MTUS2: variants seen among roughly 807,000 people sequenced by gnomAD.
MTUS2 encodes the protein microtubule-associated tumor suppressor candidate 2.
MTUS2 carries 40 observed loss-of-function variants against 114.1 expected under a neutral mutation model. The ratio of observed to expected loss-of-function variants is 0.35; its 90% CI spans 0.27 to 0.46. The LOEUF (loss-of-function observed/expected upper bound fraction) is 0.46, where lower values mean the gene tolerates loss of function less well. Ranked by LOEUF, MTUS2 falls within the 20% of genes least tolerant of loss-of-function variation. The pLI is 1.00. For missense variants in MTUS2, 1,679 were observed against 1,705.4 expected (o/e 0.98, Z 0.27); for synonymous variants, 688 against 672.0 (o/e 1.02, Z -0.37).
intron 2 of MTUS2, among the ~76,000 whole-genome samples, chr13:29,004,658 G>A (rs1373584915): frequency 2.0e-5 from 3 of 152,292 alleles, no homozygotes; most frequent in Admixed American, 6.5e-5. Flanking sequence ...TAGCTTGCCA[G>A]AAAAATAGTT....
intron 2 of MTUS2, among the ~76,000 whole-genome samples, chr13:28,856,167 A>T (rs921376275): frequency 1.2e-4 from 19 of 152,228 alleles, no homozygotes; most frequent in Admixed American, 6.5e-4. Context: ...AAAAAGTACA[A>T]ATAGAATATA....
chr13:29,197,187 T>A (rs1894738550), intron 5 of MTUS2, among the ~76,000 whole-genome samples: 1 of 152,138 alleles, frequency 6.6e-6, no homozygotes, highest in African/African-American at 2.4e-5. Flanking sequence ...CCTCCATTCG[T>A]TAGGTATTTG....
chr13:28,849,276 C>A (rs1180242443), intron 2 of MTUS2, among the ~76,000 whole-genome samples: 2 of 152,094 alleles, frequency 1.3e-5, no homozygotes, highest in Admixed American at 1.3e-4. Context: ...AGAGTTATTT[C>A]AAAGATTCAA....
At position 29,345,776 on chromosome 13, in the gene MTUS2, G is replaced by A. The variant is rs192973677; in HGVS notation, c.2906-13486G>A. Among the ~76,000 whole-genome samples the A allele has an allele frequency of 5.0e-4, 76 of 152,142 alleles. 2 individuals carry two copies. In the East Asian group the frequency reaches 0.013, roughly 26 times the overall value. ...TGTTTTTCTGGTTCTTTCTCATTTG[G>A]GTAGCCTATGTCAGAGGGAAGATTT... On this transcript the variant is annotated intron_variant, in intron 7 of 15. Coordinates refer to ENST00000612955, the MANE Select transcript of MTUS2 (RefSeq NM_001033602.4).
chr13:29,354,695 A>G (rs1869593734), intron 7 of MTUS2, among the ~76,000 whole-genome samples: 1 of 152,162 alleles, frequency 6.6e-6, no homozygotes, highest in Non-Finnish European at 1.5e-5. Context: ...TGTACTTAAG[A>G]CCAGCTGGAA....
At chr13:29,229,306 GTACT>G (rs1896233442) in intron 5 of MTUS2, among the ~76,000 whole-genome samples, 2 of 152,160 alleles carry the variant, frequency 1.3e-5, no homozygotes, top group African/African-American at 4.8e-5. Context: ...TCATTGTAAA[GTACT>G]TTGTCCTCAA....
intron 5 of MTUS2, among the ~76,000 whole-genome samples, chr13:29,112,128 C>T (rs945804391): frequency 6.6e-6 from 1 of 152,126 alleles, no homozygotes; most frequent in African/African-American, 2.4e-5. Flanking sequence ...ATAAGGAGAA[C>T]AGCCATGGAA....
intron 2 of MTUS2, among the ~76,000 whole-genome samples, chr13:28,972,312 G>A (rs1446688619): frequency 2.6e-5 from 4 of 152,094 alleles, no homozygotes; most frequent in African/African-American, 9.7e-5. Context: ...GGTTCTTCCG[G>A]GACACTTGAC....
intron 2 of MTUS2, among the ~76,000 whole-genome samples, chr13:28,955,851 T>C (rs1883035302): frequency 6.6e-6 from 1 of 151,746 alleles, no homozygotes; most frequent in Admixed American, 6.6e-5. Flanking sequence ...CCCTTTCTGC[T>C]TGGACCATCA....
intron 2 of MTUS2, among the ~76,000 whole-genome samples, chr13:28,893,250 A>G (rs544131100): frequency 2.0e-5 from 3 of 152,302 alleles, no homozygotes; most frequent in East Asian, 3.9e-4. Flanking sequence ...TTGAAAAGCT[A>G]TTTATTAAGC....
chr13:28,896,598 A>G lies in MTUS2; in HGVS notation c.-243+56748A>G, dbSNP rs182847006. Among the ~76,000 whole-genome samples, 894 of 152,354 alleles carry G rather than the reference A, an allele frequency of 5.9e-3. 6 individuals carry two copies. The highest frequency in any genetic ancestry group is 9.5e-3 in the Non-Finnish European group (645 of 68,030). On this transcript the variant is annotated intron_variant, in intron 2 of 15. Coordinates refer to ENST00000612955, the MANE Select transcript of MTUS2 (RefSeq NM_001033602.4). ...AAAAAGAGCCCTCATTGCCAAGTCA[A>G]TCCTAAGCCAAAAGAACAAAGCTGG...
chr13:29,198,108 A>G (rs1356535352), intron 5 of MTUS2, among the ~76,000 whole-genome samples: 1 of 152,148 alleles, frequency 6.6e-6, no homozygotes, highest in Non-Finnish European at 1.5e-5. Flanking sequence ...TTTTGTTGCC[A>G]TTGCTTTTGG....
chr13:29,427,203 T>A (rs1289119290), intron 8 of MTUS2, among the ~76,000 whole-genome samples: 1 of 152,236 alleles, frequency 6.6e-6, no homozygotes, highest in Non-Finnish European at 1.5e-5. Flanking sequence ...CACTCCCTCC[T>A]GTTTTCCATT....
chr13:29,379,469 C>T (rs80289433), intron 8 of MTUS2, among the ~76,000 whole-genome samples: 4,386 of 152,244 alleles, frequency 0.029, 199 homozygotes, highest in African/African-American at 0.099. Flanking sequence ...ACCTACAGGA[C>T]GCTGCGAGAA....
At chr13:29,035,557 C>T (rs1490381926) in intron 4 of MTUS2, among the ~76,000 whole-genome samples, 3 of 152,226 alleles carry the variant, frequency 2.0e-5, no homozygotes, top group Non-Finnish European at 4.4e-5. Flanking sequence ...CCTCCATCTT[C>T]AACTTTGGCA....
At chr13:29,285,032 A>C (rs1898419855) in intron 6 of MTUS2, among the ~76,000 whole-genome samples, 1 of 152,078 alleles carries the variant, frequency 6.6e-6, no homozygotes, top group African/African-American at 2.4e-5. Flanking sequence ...TATAAAAACT[A>C]TGAGGATTCT....
At chr13:29,048,209 G>C (rs1026785274) in intron 4 of MTUS2, among the ~76,000 whole-genome samples, 1 of 151,992 alleles carries the variant, frequency 6.6e-6, no homozygotes, top group Non-Finnish European at 1.5e-5. Context: ...TTTCTCTACA[G>C]TTCTTATTTA....
At chr13:29,494,857 G>T (rs979621927) in intron 12 of MTUS2, among the ~76,000 whole-genome samples, 1 of 151,964 alleles carries the variant, frequency 6.6e-6, no homozygotes, top group Non-Finnish European at 1.5e-5. Context: ...TGGCCAACAT[G>T]GTGAAACCTG....
Position 29,123,302 on chromosome 13 carries a change from G to A in MTUS2, c.2644+22332G>A, listed in dbSNP as rs146325855. The stretch of plus-strand genomic sequence containing the variant: ...TTTTCATAGGTAGTTTAAATACTCT[G>A]TGATTCATTGTGTTTATAATTTTCA... On this transcript the variant is annotated intron_variant, in intron 5 of 15. Transcript: ENST00000612955. 5.6e-3 allele frequency among the ~76,000 whole-genome samples: 844 copies of A among 151,812 alleles called. 9 individuals are homozygous for A. Among genetic ancestry groups the A allele is most frequent in the African/African-American group, 0.019 (805 of 41,384 alleles).
Sources: allele counts gnomAD v4.1 joint callset (sites outside exome capture counted in the v4.1 genomes callset), GRCh38; gene constraint gnomAD v4.1.1; transcripts MANE v1.5; gene names NCBI Gene and HGNC (gene_info 2026-07-23, HGNC 2026-07-21).